Variants in ATP8B4 observed in about 807,000 individuals in gnomAD.
The protein encoded by ATP8B4 is ATPase phospholipid transporting 8B4 (putative), also known as probable phospholipid-transporting ATPase IM.
A neutral mutation model predicts 145.6 loss-of-function variants in ATP8B4; 133 were observed. That is an observed-to-expected ratio of 0.91 (90% CI 0.79 to 1.05). ATP8B4 has a LOEUF of 1.05. Among genes scored for constraint, ATP8B4 ranks in the 50% least tolerant of loss-of-function variants. The pLI is 0.00. For missense variants in ATP8B4, 1,458 were observed against 1,425.2 expected (o/e 1.02, Z -0.37); for synonymous variants, 507 against 492.9 (o/e 1.03, Z -0.38).
At chr15:50,113,915 C>G (rs561074761) in intron 1 of ATP8B4, among the ~76,000 whole-genome samples, 1 of 149,140 alleles carries the variant, frequency 6.7e-6, no homozygotes, top group South Asian at 2.1e-4. Flanking sequence ...ATTACCGTGC[C>G]TCAACAATAA....
chr15:50,118,445 C>A (rs763867323), intron 1 of ATP8B4, among the ~76,000 whole-genome samples: 1 of 152,192 alleles, frequency 6.6e-6, no homozygotes, highest in Non-Finnish European at 1.5e-5. Flanking sequence ...AAAGGGGATA[C>A]TTCATGGGCA....
At position 49,960,305 on chromosome 15, in the gene ATP8B4, G is replaced by A. The variant is rs560835707; in HGVS notation, c.1287+1672C>T. On this transcript the variant is annotated intron_variant, in intron 14 of 27. Coordinates refer to ENST00000284509, the MANE Select transcript of ATP8B4 (RefSeq NM_024837.4). ...GCCTCCCAAAGTGCTGGGATTACAG[G>A]CATGAGCCACCACGCCCAGCCTTTG... is the stretch of plus-strand genomic sequence containing the variant. Among the ~76,000 whole-genome samples, 4 of 152,314 alleles carry A rather than the reference G, an allele frequency of 2.6e-5. No homozygotes were observed. The South Asian group carries it at 8.3e-4, about 32-fold the overall frequency.
intron 20 of ATP8B4, among the ~76,000 whole-genome samples, chr15:49,910,163 C>G (rs2039081390): frequency 6.6e-6 from 1 of 151,576 alleles, no homozygotes; most frequent in South Asian, 2.1e-4. Context: ...AACGAAGAAC[C>G]AAACAGAAAT....
intron 14 of ATP8B4, among the ~76,000 whole-genome samples, chr15:49,950,791 T>C (rs1344804128): frequency 1.3e-5 from 2 of 152,118 alleles, no homozygotes; most frequent in Admixed American, 1.3e-4. Flanking sequence ...ATTGTAATGT[T>C]AGGGTGTTGA....
At chr15:49,910,725 T>C (rs1160736805) in intron 20 of ATP8B4, among the ~76,000 whole-genome samples, 1 of 152,146 alleles carries the variant, frequency 6.6e-6, no homozygotes, top group African/African-American at 2.4e-5. Context: ...TATCTGGAAG[T>C]CAAGAAATAC....
At chr15:49,975,443 A>T (rs1289319883) in intron 12 of ATP8B4, among the ~76,000 whole-genome samples, 1 of 152,106 alleles carries the variant, frequency 6.6e-6, no homozygotes, top group Non-Finnish European at 1.5e-5. Flanking sequence ...TACTTATAAT[A>T]CCTAATACAA....
At chr15:50,017,997 T>TC (rs1321811876) in intron 6 of ATP8B4, among the ~76,000 whole-genome samples, 1 of 140,512 alleles carries the variant, frequency 7.1e-6, no homozygotes, top group African/African-American at 3.2e-5. Flanking sequence ...TTTTCTTTTT[T>TC]TTTTTTTTGA....
At chr15:50,170,365 T>G (rs1326466542) in intron 1 of ATP8B4, among the ~76,000 whole-genome samples, 1 of 152,182 alleles carries the variant, frequency 6.6e-6, no homozygotes, top group East Asian at 1.9e-4. Context: ...TGGGGACTTA[T>G]CTTCAGACTC....
chr15:50,111,097 A>G (rs1214111023), intron 1 of ATP8B4, among the ~76,000 whole-genome samples: 1 of 152,232 alleles, frequency 6.6e-6, no homozygotes, highest in Non-Finnish European at 1.5e-5. Context: ...GCATCCTGTG[A>G]GGAAGAGGGC....
chr15:49,918,844 T>C lies in ATP8B4; in HGVS notation c.2030A>G (p.Lys677Arg). 1.2e-6 allele frequency: 2 copies of C among 1,601,598 alleles called. No individual in the cohort carries two copies. Among genetic ancestry groups the C allele is most frequent in the Non-Finnish European group, 8.5e-7 (1 of 1,171,038 alleles). Residue 677 changes from lysine to arginine, a missense_variant, in exon 19 of 28, where the codon AAA becomes AGA. Coordinates refer to ENST00000284509, the MANE Select transcript of ATP8B4 (RefSeq NM_024837.4). ...NIKIWVLTGD[K>R]QETAINIGYA... The stretch of plus-strand genomic sequence containing the variant: ...AACATCCATTTTCAAGTTACCTTGT[T>C]TGTCTCCTGTTAGGACCCAGATCTT...
intron 17 of ATP8B4, among the ~76,000 whole-genome samples, chr15:49,921,423 T>C (rs971999594): frequency 1.3e-5 from 2 of 152,052 alleles, no homozygotes; most frequent in African/African-American, 2.4e-5. Context: ...ATCCTAATAG[T>C]AGGGGAAAAG....
intron 9 of ATP8B4, among the ~76,000 whole-genome samples, chr15:49,995,481 T>A (rs2047349888): frequency 6.6e-6 from 1 of 152,168 alleles, no homozygotes; most frequent in African/African-American, 2.4e-5. Flanking sequence ...CTGGCTACTC[T>A]CTGACTTCAA....
At chr15:49,994,109 G>A (rs1299042950) in intron 9 of ATP8B4, among the ~76,000 whole-genome samples, 1 of 152,124 alleles carries the variant, frequency 6.6e-6, no homozygotes, top group Non-Finnish European at 1.5e-5. Context: ...TTCAGCCTGA[G>A]CAACATCACT....
At chr15:49,967,209 T>C (rs1032694759) in intron 13 of ATP8B4, among the ~76,000 whole-genome samples, 2 of 152,170 alleles carry the variant, frequency 1.3e-5, no homozygotes, top group Non-Finnish European at 2.9e-5. Flanking sequence ...AGAACGCCTC[T>C]TCTCCTGCAA....
chr15:50,139,601 A>T (rs1344091223), intron 1 of ATP8B4, among the ~76,000 whole-genome samples: 2 of 152,202 alleles, frequency 1.3e-5, no homozygotes, highest in African/African-American at 4.8e-5. Context: ...CTTAAAGTAA[A>T]ATAAAAATAA....
At chr15:49,940,561 A>G (rs1399045656) in intron 14 of ATP8B4, among the ~76,000 whole-genome samples, 1 of 152,214 alleles carries the variant, frequency 6.6e-6, no homozygotes, top group Non-Finnish European at 1.5e-5. Context: ...AGTTGAAATT[A>G]TAAAAAAAAT....
At chr15:50,149,468 T>C (rs1043234641) in intron 1 of ATP8B4, among the ~76,000 whole-genome samples, 1 of 152,158 alleles carries the variant, frequency 6.6e-6, no homozygotes, top group Non-Finnish European at 1.5e-5. Flanking sequence ...GTATGTGCAC[T>C]AAGCCTTGAA....
intron 6 of ATP8B4, among the ~76,000 whole-genome samples, chr15:50,017,995 T>C (rs1344876900): frequency 7.1e-6 from 1 of 140,352 alleles, no homozygotes; most frequent in Non-Finnish European, 1.5e-5. Context: ...TTTTTTCTTT[T>C]TTTTTTTTTT....
chr15:49,865,459 A>C (rs950682792), intron 26 of ATP8B4, among the ~76,000 whole-genome samples: 1 of 152,210 alleles, frequency 6.6e-6, no homozygotes, highest in Non-Finnish European at 1.5e-5. Context: ...GGGAAACCCC[A>C]ATTTATAGCC....
Sources: allele counts gnomAD v4.1 joint callset (sites outside exome capture counted in the v4.1 genomes callset), GRCh38; gene constraint gnomAD v4.1.1; transcripts MANE v1.5; gene names NCBI Gene and HGNC (gene_info 2026-07-23, HGNC 2026-07-21).